Variants in IL12RB2 observed in about 807,000 individuals in gnomAD.
IL12RB2 encodes the protein interleukin-12 receptor subunit beta-2.
Under a neutral mutation model 89.4 loss-of-function variants are expected in IL12RB2, and 82 were observed. The observed-to-expected ratio is 0.92, with a 90% CI of 0.77 to 1.10. IL12RB2 has a LOEUF of 1.10. Ranked by LOEUF, IL12RB2 falls within the 50% of genes least tolerant of loss-of-function variation. The pLI, the probability that IL12RB2 is intolerant of heterozygous loss-of-function variation, is 0.00. For missense variants in IL12RB2, 963 were observed against 1,031.9 expected (o/e 0.93, Z 0.92); for synonymous variants, 368 against 370.1 (o/e 0.99, Z 0.07).
intron 10 of IL12RB2, 38 bp from the exon 11 acceptor site, chr1:67,367,786 CT>C: frequency 8.5e-7 from 1 of 1,173,610 alleles, no homozygotes; most frequent in Non-Finnish European, 1.3e-6. Flanking sequence ...TATCCCTCCT[CT>C]TTTTTTATTT....
chr1:67,344,279 GA>G (rs1450203886), intron 9 of IL12RB2, among the ~76,000 whole-genome samples: 1 of 152,146 alleles, frequency 6.6e-6, no homozygotes, highest in Non-Finnish European at 1.5e-5. Flanking sequence ...AGAAACAGGT[GA>G]AATTAATTTT....
In IL12RB2 at chr1:67,350,980, G is replaced by A. The variant is rs774105381; in HGVS notation, c.1149G>A (p.Trp383Ter). Residue 383 changes from tryptophan (W) to a stop codon, truncating the protein, a stop_gained, in exon 10 of 17, where the codon TGG becomes TGA. Transcript: ENST00000674203. LOFTEE classifies it high-confidence loss of function. Reference protein sequence around the residue: ...MTQNITGHTSWTTVIPRTGNW... With the variant: ...MTQNITGHTS ...AGAACATCACAGGACACACCTCCTG[G>A]ACCACAGTCATTCCTAGAACCGGAA... The A allele has an allele frequency of 6.2e-7, 1 of 1,614,134 alleles. No individual in the cohort carries two copies. Among genetic ancestry groups the A allele is most frequent in the South Asian group, 1.1e-5 (1 of 91,080 alleles).
chr1:67,353,308 C>G (rs1246130431), intron 10 of IL12RB2, among the ~76,000 whole-genome samples: 1 of 152,196 alleles, frequency 6.6e-6, no homozygotes, highest in African/African-American at 2.4e-5. Context: ...GTGTCTCACA[C>G]CTCTAATCCC....
chr1:67,368,276 A>G (rs1662928095), intron 11 of IL12RB2, among the ~76,000 whole-genome samples: 2 of 152,228 alleles, frequency 1.3e-5, no homozygotes, highest in African/African-American at 4.8e-5. Context: ...AAGATGAATG[A>G]ATAATTGAAC....
intron 11 of IL12RB2, 138 bp downstream of exon 11, chr1:67,368,163 C>T: frequency 1.4e-6 from 1 of 699,088 alleles, no homozygotes; most frequent in Non-Finnish European, 2.6e-6. Flanking sequence ...AGAGTCCACC[C>T]AGCAGCACTT....
intron 10 of IL12RB2, among the ~76,000 whole-genome samples, chr1:67,352,637 G>A (rs1660970084): frequency 6.6e-6 from 1 of 152,046 alleles, no homozygotes; most frequent in East Asian, 1.9e-4. Flanking sequence ...TGAGGAGAAG[G>A]TGTTTGTAGG....
At chr1:67,378,172 T>C (rs919534012) in intron 13 of IL12RB2, among the ~76,000 whole-genome samples, 2 of 152,080 alleles carry the variant, frequency 1.3e-5, no homozygotes, top group Non-Finnish European at 2.9e-5. Context: ...ATTTGTCTAT[T>C]TTGTTTTTAG....
chr1:67,374,178 A>C (rs1663688917), intron 13 of IL12RB2, among the ~76,000 whole-genome samples: 1 of 152,208 alleles, frequency 6.6e-6, no homozygotes, highest in African/African-American at 2.4e-5. Context: ...ACATCCATCC[A>C]TGTGAACTTA....
chr1:67,328,112 A>G lies in IL12RB2; in HGVS notation c.480-88A>G, dbSNP rs1657572446. The G allele has an allele frequency of 3.1e-6, 3 of 958,604 alleles. No homozygotes were observed. The Admixed American group carries it at 5.1e-5, about 16-fold the overall frequency. The allele number at this position is 958,604 out of a possible 1,614,324, so 59.4% of individuals were successfully genotyped here. A position where few individuals can be genotyped will look rare whatever the true frequency, so the allele number is the denominator to read the frequency against. On this transcript the variant is annotated intron_variant, in intron 5 of 16. Transcript: ENST00000674203. The stretch of plus-strand genomic sequence containing the variant: ...ACCTTTAAAAATTGTCTAGAATTCT[A>G]AATATTTAAACATTTTGTTCTTTTC...
chr1:67,333,307 AT>A (rs535971506), intron 8 of IL12RB2, among the ~76,000 whole-genome samples: 2 of 151,328 alleles, frequency 1.3e-5, no homozygotes, highest in South Asian at 2.1e-4. Flanking sequence ...AAAGGTGTGA[AT>A]TTTTTTTAAC....
intron 10 of IL12RB2, among the ~76,000 whole-genome samples, chr1:67,354,993 G>T (rs1378838821): frequency 6.6e-6 from 1 of 152,180 alleles, no homozygotes; most frequent in Non-Finnish European, 1.5e-5. Context: ...GCACATGACT[G>T]TTTTCTGAGC....
rs146133560 is a variant in IL12RB2 at position 67,324,899 on chromosome 1, A to G, written c.365-1836A>G. ...AGAAGAAATGTTGAGAAAGACTCTG[A>G]TGTTTCCAGTCTATATGTCTTAGAG... On this transcript the variant is annotated intron_variant, in intron 4 of 16. Transcript: ENST00000674203. Among the ~76,000 whole-genome samples, 544 of 152,342 alleles carry G rather than the reference A, an allele frequency of 3.6e-3. 3 individuals are homozygous for G. The highest frequency in any genetic ancestry group is 6.2e-3 in the Admixed American group (95 of 15,302).
intron 8 of IL12RB2, among the ~76,000 whole-genome samples, chr1:67,337,737 T>C (rs1658950066): frequency 6.6e-6 from 1 of 152,160 alleles, no homozygotes; most frequent in Non-Finnish European, 1.5e-5. Context: ...AGTACATCAT[T>C]GTCTAATGAT....
At chr1:67,371,093 C>T (rs1053646914) in intron 11 of IL12RB2, among the ~76,000 whole-genome samples, 1 of 152,230 alleles carries the variant, frequency 6.6e-6, no homozygotes, top group African/African-American at 2.4e-5. Flanking sequence ...AAGCTACTCA[C>T]TGGCCCCTCC....
intron 13 of IL12RB2, among the ~76,000 whole-genome samples, chr1:67,378,205 G>C (rs1466299274): frequency 6.6e-6 from 1 of 152,154 alleles, no homozygotes; most frequent in East Asian, 1.9e-4. Flanking sequence ...ACTTCTGCTA[G>C]AGTGCTGGCC....
At position 67,386,633 on chromosome 1, in the gene IL12RB2, T is replaced by C. The variant is rs1228989726; in HGVS notation, c.1910T>C (p.Met637Thr). The C allele has an allele frequency of 2.5e-6, 4 of 1,613,512 alleles. No individual in the cohort carries two copies. Among genetic ancestry groups the C allele is most frequent in the Non-Finnish European group, 2.5e-6 (3 of 1,179,682 alleles). Residue 637 changes from methionine to threonine, a missense_variant, in exon 15 of 17, where the codon ATG becomes ACG. Transcript: ENST00000674203. ...CCAAGCATTTGCATTGCTATCATCA[T>C]GGTGGGCATTTTCTCAACGCATTAC... The part of the protein sequence containing the change: ...VAPSICIAII[M>T]VGIFSTHYFQ...
chr1:67,338,149 T>A (rs1003355319), intron 8 of IL12RB2, among the ~76,000 whole-genome samples: 2 of 151,044 alleles, frequency 1.3e-5, no homozygotes, highest in Non-Finnish European at 3.0e-5. Flanking sequence ...GGCAACATGA[T>A]GAAAGCCTGT....
intron 15 of IL12RB2, among the ~76,000 whole-genome samples, chr1:67,388,708 G>A (rs1442608657): frequency 6.6e-6 from 1 of 152,020 alleles, no homozygotes; most frequent in African/African-American, 2.4e-5. Flanking sequence ...AGTTTTTCTT[G>A]TTTAATTATA....
At chr1:67,390,672 G>GTC (rs1665714078) in intron 16 of IL12RB2, among the ~76,000 whole-genome samples, 1 of 152,104 alleles carries the variant, frequency 6.6e-6, no homozygotes, top group African/African-American at 2.4e-5. Flanking sequence ...AGATGAGAGA[G>GTC]GGGAGAGTAA....
Sources: allele counts gnomAD v4.1 joint callset (sites outside exome capture counted in the v4.1 genomes callset), GRCh38; gene constraint gnomAD v4.1.1; transcripts MANE v1.5; gene names NCBI Gene and HGNC (gene_info 2026-07-23, HGNC 2026-07-21).